TH: variants seen among roughly 807,000 people sequenced by gnomAD.
TH encodes tyrosine 3-monooxygenase.
Under a neutral mutation model 57.4 loss-of-function variants are expected in TH, and 49 were observed. The observed-to-expected ratio is 0.85, with a 90% CI of 0.68 to 1.08. TH has a LOEUF of 1.08. TH is among the 50% of genes least tolerant of loss of function. The probability of loss-of-function intolerance (pLI) is 0.00; values close to 1 mark genes in which losing one functional copy is unlikely to be tolerated. For synonymous variants in TH, 330 were observed against 304.5 expected (o/e 1.08, Z -0.87); for missense variants, 720 against 696.7 (o/e 1.03, Z -0.38).
At chr11:2,169,051 G>A (rs964290203) in intron 2 of TH, among the ~76,000 whole-genome samples, 14 of 152,156 alleles carry the variant, frequency 9.2e-5, no homozygotes. Context: ...GAGTCTCACT[G>A]GCCCCTGAGC....
rs188105919 is a variant in TH, at chr11:2,167,786, T to C, written c.644+80A>G. The C allele has an allele frequency of 7.8e-4, 1,166 of 1,485,446 alleles. 10 individuals carry two copies. In the African/African-American group the frequency reaches 0.014, roughly 18 times the overall value. 92.0% of individuals were successfully genotyped at this position (1,485,446 alleles called of 1,614,324 possible). A position where few individuals can be genotyped will look rare whatever the true frequency, so the allele number is the denominator to read the frequency against. On this transcript the variant is annotated intron_variant, in intron 5 of 12. Transcript: ENST00000352909. ...GCTGGTGACAAGATGGGTCCTCCCC[T>C]TTGTCCTTCCCTCCCACCCCCCAGG...
intron 10 of TH, 61 bp from the exon 11 acceptor site, chr11:2,165,824 G>A (rs1176321699): frequency 6.4e-7 from 1 of 1,573,066 alleles, no homozygotes; most frequent in East Asian, 2.4e-5. Context: ...GCAGCCCCTG[G>A]TCACCCGTGA....
intron 12 of TH, 22 bp downstream of exon 12, chr11:2,165,210 T>G: frequency 6.2e-7 from 1 of 1,612,666 alleles, no homozygotes; most frequent in South Asian, 1.1e-5. Context: ...CATGGGGGGC[T>G]TGCCCTAGCA....
rs1476695915 is a variant in TH, at chr11:2,166,904, ACGTC to A, written c.820_823del (p.Asp274SerfsTer5). 1.2e-6 allele frequency: 2 copies of A among 1,604,928 alleles called. No individual in the cohort carries two copies. The highest frequency in any genetic ancestry group is 1.7e-6 in the Non-Finnish European group (2 of 1,176,906). ...GGGCACACCCTTCAGGAAGCGGGAGACGTCCTCCAGCTGGGGGATATTGTCTTCC... is the reference window on the plus strand; with the variant it reads ...GGGCACACCCTTCAGGAAGCGGGAGACTCCAGCTGGGGGATATTGTCTTCC... On this transcript the variant is annotated frameshift_variant, in exon 7 of 13. Transcript: ENST00000352909. LOFTEE classifies it high-confidence loss of function.
At chr11:2,169,892 C>T (rs1454472815) in intron 1 of TH, 21 bp from the exon 2 acceptor site, 1 of 1,601,686 alleles carries the variant, frequency 6.2e-7, no homozygotes, top group Non-Finnish European at 8.5e-7. Flanking sequence ...AAGGGGCACC[C>T]ATGCCTCCTC....
At chr11:2,167,636 CTG>C (rs1846135874) in intron 5 of TH, 151 bp from the exon 6 acceptor site, 5 of 1,130,666 alleles carry the variant, frequency 4.4e-6, no homozygotes, top group Non-Finnish European at 6.3e-6. Flanking sequence ...CCCCAGCTGA[CTG>C]TGCCGTGAGC....
Position 2,167,500 on chromosome 11 carries a change from A to C in TH, c.645-15T>G, listed in dbSNP as rs1395773491. 5.1e-6 allele frequency: 8 copies of C among 1,554,740 alleles called. No individual in the cohort carries two copies. Among genetic ancestry groups the C allele is most frequent in the Non-Finnish European group, 5.2e-6 (6 of 1,149,264 alleles). ...TCGGGTCGCCGCTGGGGAGGGGGCC[A>C]GTGGTCAGCAGGTCCCCTCGGGGAG... On this transcript the variant is annotated splice_polypyrimidine_tract_variant and intron_variant, in intron 5 of 12. Transcript: ENST00000352909.
rs760349962 is a variant in TH, at chr11:2,170,758, G to A, written c.91-887C>T. The A allele has an allele frequency of 1.3e-6, 2 of 1,544,060 alleles. No individual in the cohort carries two copies. The highest frequency in any genetic ancestry group is 4.8e-5 in the East Asian group (2 of 41,434). On this transcript the variant is annotated intron_variant, in intron 1 of 12. Transcript: ENST00000352909. This position sits in a 1 kb window ranked among gnomAD's most constrained non-coding sequence, Gnocchi z 6.0. ...GGCCACGGAGAGCCTGTGAGGCTGG[G>A]CCCCGGGGCGCCCTGGGGAGGGGAT...
chr11:2,170,783 T>C lies in TH; in HGVS notation c.91-912A>G. ...GCCCCGGGGCGCCCTGGGGAGGGGA[T>C]GCCTGATGGGGAGCCTGGTGGGGGA... On this transcript the variant is annotated intron_variant, in intron 1 of 12. Transcript: ENST00000352909. The surrounding 1 kb of genome is among the most constrained non-coding windows in gnomAD (Gnocchi z 6.0). 1 of 997,804 alleles carries C rather than the reference T, an allele frequency of 1.0e-6. No homozygotes were observed. Among genetic ancestry groups the C allele is most frequent in the Non-Finnish European group, 1.2e-6 (1 of 823,426 alleles). 61.8% of individuals were successfully genotyped at this position (997,804 alleles called of 1,614,324 possible).
chr11:2,167,865 C>T lies in TH; in HGVS notation c.644+1G>A, dbSNP rs1266265578. 9.4e-6 allele frequency: 15 copies of T among 1,603,148 alleles called. No individual in the cohort carries two copies. The highest frequency in any genetic ancestry group is 1.2e-5 in the Non-Finnish European group (14 of 1,175,062). On this transcript the variant is annotated splice_donor_variant, in intron 5 of 12. Coordinates refer to ENST00000352909, the MANE Select transcript of TH (RefSeq NM_000360.4). LOFTEE classifies it high-confidence loss of function. ...GGGTCCCGAGCGCAGGGGCCCCTCA[C>T]TGCCTGTACTGGAAGGCGATCTCAG...
chr11:2,167,419 T>A lies in TH; in HGVS notation c.695+16A>T. On this transcript the variant is annotated intron_variant, in intron 6 of 12. Transcript: ENST00000352909. ...CCCGGGCTCCTCCCCAGCCCCTAGC[T>A]GCACGGAGGTCTCACCAGGTGGCAA... is the stretch of plus-strand genomic sequence containing the variant. 6.4e-7 allele frequency: 1 copy of A among 1,557,980 alleles called. No individual in the cohort carries two copies. The highest frequency in any genetic ancestry group is 8.7e-7 in the Non-Finnish European group (1 of 1,150,910).
intron 9 of TH, 58 bp downstream of exon 9, chr11:2,166,422 C>G (rs1023579466): frequency 1.4e-5 from 22 of 1,522,032 alleles, no homozygotes; most frequent in Admixed American, 4.0e-5. Context: ...TCCCCGCCCG[C>G]CCCCGGCGCC....
At chr11:2,167,621 G>A in intron 5 of TH, 136 bp from the exon 6 acceptor site, 1 of 1,186,532 alleles carries the variant, frequency 8.4e-7, no homozygotes, top group Non-Finnish European at 1.2e-6. Context: ...GGACAGGAGG[G>A]TGCACCCCAG....
chr11:2,167,674 T>G, intron 5 of TH, 189 bp from the exon 6 acceptor site: 2 of 1,075,838 alleles, frequency 1.9e-6, no homozygotes, highest in Non-Finnish European at 2.7e-6. Context: ...GGCAGGTTGC[T>G]CTAGCCCCCC....
At chr11:2,165,439 A>C (rs990206034) in intron 11 of TH, 74 bp from the exon 12 acceptor site, 1 of 1,596,200 alleles carries the variant, frequency 6.3e-7, no homozygotes, top group African/African-American at 1.3e-5. Flanking sequence ...CCGTGGCCTG[A>C]CGCTGGGTGG....
In TH at chr11:2,163,991, C is replaced by T. The variant is rs547837585; in HGVS notation, c.*242G>A. The T allele has an allele frequency of 3.9e-4, 149 of 383,696 alleles. No homozygotes were observed. The highest frequency in any genetic ancestry group is 2.5e-3 in the African/African-American group (123 of 48,362). The allele number at this position is 383,696 out of a possible 1,614,324, so 23.8% of individuals were successfully genotyped here. A position where few individuals can be genotyped will look rare whatever the true frequency, so the allele number is the denominator to read the frequency against. On this transcript the variant is annotated 3_prime_UTR_variant, in exon 13 of 13. Coordinates refer to ENST00000352909, the MANE Select transcript of TH (RefSeq NM_000360.4). ...GGCAGCAGACAGTGTCAGGGAAGGG[C>T]GGAGGGCAGTGCAGCAGCCCCCAGG... is the stretch of plus-strand genomic sequence containing the variant.
At position 2,166,462 on chromosome 11, in the gene TH, T is replaced by C; in HGVS notation, c.1047+18A>G. ...CAGCCCCTGGGTGACCCCGGCTCCC[T>C]CCGAGGCCGCGGCGTACCTGCGAGA... On this transcript the variant is annotated intron_variant, in intron 9 of 12. Transcript: ENST00000352909. 6.4e-7 allele frequency: 1 copy of C among 1,563,130 alleles called. No homozygotes were observed.
chr11:2,167,997 G>GCTCCTGGAGCCGACAGA, intron 4 of TH, 64 bp from the exon 5 acceptor site: 2 of 1,609,614 alleles, frequency 1.2e-6, no homozygotes, highest in Non-Finnish European at 1.7e-6. Context: ...GGCCACGGAG[G>GCTCCTGGAGCCGACAGA]CTCCTGGAGC....
chr11:2,168,118 G>T lies in TH; in HGVS notation c.549C>A (p.Phe183Leu). ...LDKCHHLVTK[F>L]DPDLDLDHPG... is the part of the protein sequence containing the mutation. ...GGTGGTCCAAGTCCAGGTCAGGGTC[G>T]AACTTGGTGACCAGGTGATGACACT... The change falls in exon 4 of 13, where the codon TTC becomes TTA. Residue 183 changes from phenylalanine (F) to leucine (L), a missense_variant. Physicochemically the swap from Phe to Leu is conservative, Grantham distance 22. Transcript: ENST00000352909. 6.2e-7 allele frequency: 1 copy of T among 1,613,566 alleles called. No homozygotes were observed. The highest frequency in any genetic ancestry group is 8.5e-7 in the Non-Finnish European group (1 of 1,180,022).
Sources: gnomAD v4.1 joint callset for allele counts (sites outside exome capture counted in the v4.1 genomes callset) on GRCh38, gnomAD v4.1.1 for gene constraint, Gnocchi (gnomAD v3.1) non-coding constraint, MANE v1.5 for transcripts, NCBI Gene and HGNC (gene_info 2026-07-23, HGNC 2026-07-21) for gene names.